Variants in DGKB observed in about 807,000 individuals in gnomAD.
DGKB encodes diacylglycerol kinase beta.
DGKB carries 67 observed loss-of-function variants against 114.3 expected under a neutral mutation model. That is an observed-to-expected ratio of 0.59 (90% CI 0.48 to 0.72). The LOEUF is 0.72. Among genes scored for constraint, DGKB ranks in the 30% least tolerant of loss-of-function variants. The probability of loss-of-function intolerance (pLI) is 0.00; values close to 1 mark genes in which losing one functional copy is unlikely to be tolerated. For synonymous variants in DGKB, 398 were observed against 323.1 expected (o/e 1.23, Z -2.49); for missense variants, 907 against 975.2 (o/e 0.93, Z 0.93).
chr7:14,940,257 A>T (rs1785498499), intron 1 of DGKB, among the ~76,000 whole-genome samples: 1 of 152,092 alleles, frequency 6.6e-6, no homozygotes, highest in African/African-American at 2.4e-5. Context: ...CAAATAGGGC[A>T]TGTGACAGTT....
intron 25 of DGKB, chr7:14,176,214 C>T (rs1162669404): frequency 1.1e-5 from 4 of 351,008 alleles, no homozygotes; most frequent in Non-Finnish European, 1.6e-5. Context: ...TGGTCTTGTT[C>T]ATGTGTCTAC....
chr7:14,521,622 T>C (rs1584542911), intron 20 of DGKB, among the ~76,000 whole-genome samples: 1 of 152,202 alleles, frequency 6.6e-6, no homozygotes, highest in Admixed American at 6.6e-5. Context: ...GTAATTGTTA[T>C]ATCTTTTTTG....
intron 23 of DGKB, among the ~76,000 whole-genome samples, chr7:14,256,660 T>G (rs1218953325): frequency 6.6e-6 from 1 of 152,182 alleles, no homozygotes; most frequent in Non-Finnish European, 1.5e-5. Flanking sequence ...GAAAATAAAT[T>G]GGAGGTTATT....
chr7:14,825,485 G>A (rs1447282303), intron 2 of DGKB, among the ~76,000 whole-genome samples: 2 of 152,082 alleles, frequency 1.3e-5, no homozygotes, highest in South Asian at 2.1e-4. Flanking sequence ...TTTTCATAAG[G>A]AGCACACAAC....
rs1283726372 is a variant in DGKB, at chr7:14,145,718, A to C, written c.*3413T>G. ...GTGATCTGCCTGCCTCTGTCTCCCA[A>C]AGTGCTGGGATTACAGGCGTAAGCC... On this transcript the variant is annotated 3_prime_UTR_variant, in exon 26 of 26. Transcript: ENST00000402815. 1 of 152,178 alleles carries C rather than the reference A, an allele frequency of 6.6e-6. No individual in the cohort carries two copies. Among genetic ancestry groups the C allele is most frequent in the Non-Finnish European group, 1.5e-5 (1 of 68,050 alleles). The allele number at this position is 152,178 out of a possible 1,614,324, so 9.4% of individuals were successfully genotyped here.
intron 23 of DGKB, among the ~76,000 whole-genome samples, chr7:14,296,278 C>T (rs2108513): frequency 0.67 from 101,906 of 151,806 alleles, 34,977 homozygotes; most frequent in South Asian, 0.74. Flanking sequence ...GGCCCACCCA[C>T]CTCAGCCTCC....
intron 4 of DGKB, among the ~76,000 whole-genome samples, chr7:14,747,542 C>T (rs1833481853): frequency 6.6e-6 from 1 of 152,124 alleles, no homozygotes; most frequent in South Asian, 2.1e-4. Flanking sequence ...ATATCTTCAT[C>T]TGTACATTTT....
intron 1 of DGKB, among the ~76,000 whole-genome samples, chr7:14,896,786 A>G (rs1292576701): frequency 1.3e-5 from 2 of 151,950 alleles, no homozygotes; most frequent in South Asian, 4.1e-4. Context: ...GTTTGAACGC[A>G]GAAAGTAAGT....
At chr7:14,890,636 G>A (rs959303618) in intron 1 of DGKB, among the ~76,000 whole-genome samples, 1 of 151,162 alleles carries the variant, frequency 6.6e-6, no homozygotes, top group Admixed American at 6.6e-5. Context: ...GTTACTGTGG[G>A]CATATTATCC....
intron 9 of DGKB, among the ~76,000 whole-genome samples, chr7:14,692,727 G>T (rs1487043958): frequency 6.6e-6 from 1 of 150,870 alleles, no homozygotes; most frequent in Non-Finnish European, 1.5e-5. Flanking sequence ...TAGTTTAAGG[G>T]TAACTTTCCA....
intron 1 of DGKB, among the ~76,000 whole-genome samples, chr7:14,919,095 A>AC (rs1554345122): frequency 1.7e-4 from 19 of 114,968 alleles, no homozygotes; most frequent in African/African-American, 4.7e-4. Context: ...CACACACACA[A>AC]ACACACACAC....
At chr7:14,939,478 C>T (rs1209361950) in intron 1 of DGKB, among the ~76,000 whole-genome samples, 1 of 152,110 alleles carries the variant, frequency 6.6e-6, no homozygotes, top group Admixed American at 6.6e-5. Context: ...GGCATTCTAA[C>T]TCTTGGAAAT....
At chr7:14,618,108 A>G (rs1481940158) in intron 15 of DGKB, among the ~76,000 whole-genome samples, 2 of 145,056 alleles carry the variant, frequency 1.4e-5, no homozygotes, top group African/African-American at 5.0e-5. Flanking sequence ...TTCTAAAATG[A>G]GCAAAGGACA....
chr7:14,906,326 A>T (rs1587355191), upstream of DGKB, among the ~76,000 whole-genome samples: 1 of 152,068 alleles, frequency 6.6e-6, no homozygotes, highest in Non-Finnish European at 1.5e-5. Context: ...TTTACCTTTC[A>T]TCACTCTTAA....
At chr7:14,273,221 C>T (rs1798517275) in intron 23 of DGKB, among the ~76,000 whole-genome samples, 1 of 152,022 alleles carries the variant, frequency 6.6e-6, no homozygotes, top group Non-Finnish European at 1.5e-5. Context: ...TGGGGCAATC[C>T]CGTAGTCCCA....
chr7:14,412,463 A>C (rs1009854237), intron 21 of DGKB, among the ~76,000 whole-genome samples: 1 of 152,180 alleles, frequency 6.6e-6, no homozygotes, highest in South Asian at 2.1e-4. Flanking sequence ...CAAGACATAC[A>C]TAGCAAAAAG....
intron 1 of DGKB, among the ~76,000 whole-genome samples, chr7:14,846,253 T>A (rs765820602): frequency 6.6e-6 from 1 of 152,210 alleles, no homozygotes; most frequent in Admixed American, 6.5e-5. Context: ...ATGCTTTGAA[T>A]AAATCCTCTC....
intron 21 of DGKB, among the ~76,000 whole-genome samples, chr7:14,357,773 C>T (rs1161248177): frequency 2.6e-5 from 4 of 152,140 alleles, no homozygotes. Flanking sequence ...CCTTCAGGAA[C>T]TCTTGTAAGG....
chr7:14,416,210 A>T (rs1825709068), intron 21 of DGKB, among the ~76,000 whole-genome samples: 1 of 151,894 alleles, frequency 6.6e-6, no homozygotes, highest in Non-Finnish European at 1.5e-5. Flanking sequence ...ATTTTCTCCC[A>T]TTCTGTAGGT....
Sources: gnomAD v4.1 joint callset for allele counts (sites outside exome capture counted in the v4.1 genomes callset) on GRCh38, gnomAD v4.1.1 for gene constraint, MANE v1.5 for transcripts, NCBI Gene and HGNC (gene_info 2026-07-23, HGNC 2026-07-21) for gene names.